APBB1IP: variants seen among roughly 807,000 people sequenced by gnomAD.
APBB1IP encodes amyloid beta A4 precursor protein-binding family B member 1-interacting protein.
A neutral mutation model predicts 64.9 loss-of-function variants in APBB1IP; 27 were observed. That is an observed-to-expected ratio of 0.42 (90% CI 0.31 to 0.57). The LOEUF is 0.57. Among genes scored for constraint, APBB1IP ranks in the 20% least tolerant of loss-of-function variants. APBB1IP has a pLI of 0.20. For missense variants in APBB1IP, 812 were observed against 845.5 expected (o/e 0.96, Z 0.49); for synonymous variants, 392 against 331.0 (o/e 1.18, Z -2.00).
At chr10:26,479,983 A>G (rs1835816666) in intron 2 of APBB1IP, among the ~76,000 whole-genome samples, 1 of 152,182 alleles carries the variant, frequency 6.6e-6, no homozygotes, top group African/African-American at 2.4e-5. Flanking sequence ...TGTGGCATCC[A>G]AAGGCCCAGG....
At chr10:26,487,091 G>A (rs1303007068) in intron 2 of APBB1IP, among the ~76,000 whole-genome samples, 1 of 150,476 alleles carries the variant, frequency 6.6e-6, no homozygotes, top group South Asian at 2.1e-4. Flanking sequence ...ACCCAGTCAC[G>A]ATGTGAGCAT....
At chr10:26,498,578 G>T (rs1269140964) in intron 4 of APBB1IP, among the ~76,000 whole-genome samples, 1 of 152,144 alleles carries the variant, frequency 6.6e-6, no homozygotes, top group Non-Finnish European at 1.5e-5. Flanking sequence ...TTGCACATAT[G>T]AAAAAAGCAA....
rs374379376 is a variant in APBB1IP at position 26,481,069 on chromosome 10, GA to G, written c.1-11249del. ...ATTCCTTATATAGACACCCAAAGTA[GA>G]AAAAAAAAGGGAACTTAAAATAATC... On this transcript the variant is annotated intron_variant, in intron 2 of 14. Coordinates refer to ENST00000376236, the MANE Select transcript of APBB1IP (RefSeq NM_019043.4). 3.3e-3 allele frequency among the ~76,000 whole-genome samples: 498 copies of G among 150,348 alleles called. 3 individuals carry two copies. Among genetic ancestry groups the G allele is most frequent in the African/African-American group, 0.011 (437 of 41,002 alleles).
intron 2 of APBB1IP, among the ~76,000 whole-genome samples, chr10:26,481,826 C>CGTGTGTGTGTGT (rs71521683): frequency 3.5e-5 from 5 of 143,248 alleles, no homozygotes; most frequent in African/African-American, 1.0e-4. Flanking sequence ...CATCTCATTA[C>CGTGTGTGTGTGT]GTGTGTGTGT....
chr10:26,486,454 A>T (rs535324849), intron 2 of APBB1IP, among the ~76,000 whole-genome samples: 1 of 152,276 alleles, frequency 6.6e-6, no homozygotes, highest in Admixed American at 6.5e-5. Context: ...AGTCAGACTG[A>T]TATGTGACTA....
chr10:26,542,026 A>G (rs1193768253), intron 11 of APBB1IP, among the ~76,000 whole-genome samples: 1 of 152,248 alleles, frequency 6.6e-6, no homozygotes, highest in East Asian at 1.9e-4. Flanking sequence ...AGAAGATTTT[A>G]GAAATTAGAA....
intron 2 of APBB1IP, among the ~76,000 whole-genome samples, chr10:26,451,090 GTAAT>G (rs112350898): frequency 0.035 from 5,276 of 152,154 alleles, 304 homozygotes; most frequent in African/African-American, 0.12. Flanking sequence ...TTGAGAGACA[GTAAT>G]TAATTCTAAG....
At chr10:26,492,511 G>GGTT in intron 3 of APBB1IP, 113 bp downstream of exon 3, 4 of 893,422 alleles carry the variant, frequency 4.5e-6, no homozygotes, top group Non-Finnish European at 7.0e-6. Flanking sequence ...GGGGGAACCA[G>GGTT]CCCCCGATAT....
intron 2 of APBB1IP, among the ~76,000 whole-genome samples, chr10:26,486,131 G>A (rs1835888591): frequency 6.6e-6 from 1 of 152,050 alleles, no homozygotes; most frequent in Non-Finnish European, 1.5e-5. Flanking sequence ...CCCCGAATGG[G>A]ACAAATTAGG....
chr10:26,553,710 C>A (rs1836860702), intron 11 of APBB1IP, among the ~76,000 whole-genome samples: 1 of 152,136 alleles, frequency 6.6e-6, no homozygotes, highest in African/African-American at 2.4e-5. Flanking sequence ...CTTGGGGGTA[C>A]ATCGGTAAAC....
intron 3 of APBB1IP, among the ~76,000 whole-genome samples, chr10:26,494,630 C>T (rs552037928): frequency 1.2e-3 from 190 of 152,160 alleles, no homozygotes; most frequent in Admixed American, 3.1e-3. Flanking sequence ...TTCGAGACCA[C>T]GCTGGCCAAT....
intron 14 of APBB1IP, among the ~76,000 whole-genome samples, chr10:26,564,616 A>AGGAGTTGG (rs1837016451): frequency 6.6e-6 from 1 of 152,170 alleles, no homozygotes; most frequent in Non-Finnish European, 1.5e-5. Context: ...CAGAGTGGCC[A>AGGAGTTGG]ATATGTAGAA....
intron 5 of APBB1IP, chr10:26,501,517 G>C (rs1318781937): frequency 3.8e-6 from 1 of 261,172 alleles, no homozygotes; most frequent in Non-Finnish European, 7.3e-6. Flanking sequence ...GAGTGAAATT[G>C]AATTTTGTTG....
intron 2 of APBB1IP, among the ~76,000 whole-genome samples, chr10:26,458,903 T>A (rs185829123): frequency 1.3e-5 from 2 of 152,298 alleles, no homozygotes; most frequent in Admixed American, 6.5e-5. Flanking sequence ...TGTGTATAAG[T>A]GTGTATTTTC....
At position 26,533,458 on chromosome 10, in the gene APBB1IP, G is replaced by C; in HGVS notation, c.833G>C (p.Arg278Thr). Residue 278 changes from arginine (R) to threonine (T), a missense_variant, in exon 9 of 15, where the codon AGA (arginine) becomes ACA (threonine). Around this residue, in one of 3 missense-constraint regions of APBB1IP, gnomAD observed 394 missense variants for 413.1 expected, o/e 0.95. Transcript: ENST00000376236. ...KNPQNFYLDN[R>T]GKKESKETNE... ...ATTTAGAATTTCTACTTGGATAACA[G>C]AGGAAAAAAAGAAAGCAAGGAAACT... 1 of 1,599,116 alleles carries C rather than the reference G, an allele frequency of 6.3e-7. No individual in the cohort carries two copies. Among genetic ancestry groups the C allele is most frequent in the South Asian group, 1.1e-5 (1 of 88,798 alleles).
chr10:26,451,070 A>G (rs1382911151), intron 2 of APBB1IP, among the ~76,000 whole-genome samples: 2 of 151,860 alleles, frequency 1.3e-5, no homozygotes, highest in East Asian at 3.8e-4. Flanking sequence ...TTGGCAAAAT[A>G]CACAGGACGT....
intron 2 of APBB1IP, among the ~76,000 whole-genome samples, chr10:26,472,460 T>C (rs1435785182): frequency 6.6e-6 from 1 of 152,184 alleles, no homozygotes; most frequent in Non-Finnish European, 1.5e-5. Context: ...GTTTGGCTTC[T>C]ACCCTCAACA....
intron 2 of APBB1IP, among the ~76,000 whole-genome samples, chr10:26,486,233 C>G (rs908599415): frequency 2.0e-5 from 3 of 152,102 alleles, no homozygotes; most frequent in Admixed American, 6.6e-5. Context: ...GTGACACATT[C>G]ACATTTGTAT....
chr10:26,548,715 G>C lies in APBB1IP; in HGVS notation c.1155+7023G>C, dbSNP rs1280786348. On this transcript the variant is annotated intron_variant, in intron 11 of 14. Transcript: ENST00000376236. ...TCTATCGTGAAACTTTACTGCATTT[G>C]TTTATTAGTTCTAACAGTTTTTTTG... 2.6e-5 allele frequency among the ~76,000 whole-genome samples: 4 copies of C among 152,064 alleles called. No homozygotes were observed. In the East Asian group the frequency reaches 7.7e-4, roughly 29 times the overall value.
Sources: gnomAD v4.1 joint callset for allele counts (sites outside exome capture counted in the v4.1 genomes callset) on GRCh38, gnomAD v4.1.1 for gene constraint, gnomAD v4.1.1 regional missense constraint, MANE v1.5 for transcripts, NCBI Gene and HGNC (gene_info 2026-07-23, HGNC 2026-07-21) for gene names.